Variants in ATP8A2 observed in about 807,000 individuals in gnomAD.
ATP8A2 encodes the protein phospholipid-transporting ATPase IB.
A neutral mutation model predicts 165.6 loss-of-function variants in ATP8A2; 100 were observed. The observed-to-expected ratio is 0.60, with a 90% CI of 0.51 to 0.71. The LOEUF (loss-of-function observed/expected upper bound fraction) is 0.71. Ranked by LOEUF, ATP8A2 falls within the 30% of genes least tolerant of loss-of-function variation. The pLI is 0.00. For synonymous variants in ATP8A2, 543 were observed against 548.8 expected (o/e 0.99, Z 0.15); for missense variants, 1,227 against 1,479.5 (o/e 0.83, Z 2.80).
At chr13:25,704,155 C>T (rs1409054561) in intron 25 of ATP8A2, among the ~76,000 whole-genome samples, 7 of 152,082 alleles carry the variant, frequency 4.6e-5, no homozygotes, top group Admixed American at 4.6e-4. Context: ...CAGGCCCTTC[C>T]TCAGAGCAAT....
At chr13:25,848,965 G>T (rs577282086) in intron 30 of ATP8A2, among the ~76,000 whole-genome samples, 19 of 152,054 alleles carry the variant, frequency 1.2e-4, no homozygotes, top group African/African-American at 4.6e-4. Flanking sequence ...GGGATGGGGT[G>T]CGCTTCCTCT....
At chr13:25,665,659 A>T (rs1054175625) in intron 24 of ATP8A2, among the ~76,000 whole-genome samples, 1 of 151,252 alleles carries the variant, frequency 6.6e-6, no homozygotes, top group Admixed American at 6.6e-5. Context: ...GAAACCATGG[A>T]TGCATGTAAC....
rs141130084 is a variant in ATP8A2 at position 25,710,574 on chromosome 13, C to A, written c.2384+11229C>A. Among the ~76,000 whole-genome samples the A allele has an allele frequency of 4.2e-3, 635 of 152,300 alleles. 4 individuals carry two copies. The highest frequency in any genetic ancestry group is 0.014 in the African/African-American group (582 of 41,552). ...TAGTGTGGTTGAACAGGTAACCACA[C>A]TGCTTGTCAGGCCAGCTCCCAGGAC... On this transcript the variant is annotated intron_variant, in intron 25 of 36. Coordinates refer to ENST00000381655, the MANE Select transcript of ATP8A2 (RefSeq NM_016529.6).
At chr13:25,716,376 A>G (rs2043255724) in intron 25 of ATP8A2, among the ~76,000 whole-genome samples, 1 of 152,166 alleles carries the variant, frequency 6.6e-6, no homozygotes, top group South Asian at 2.1e-4. Flanking sequence ...ATGGGGTCAT[A>G]TCTAAGAAGC....
intron 30 of ATP8A2, among the ~76,000 whole-genome samples, chr13:25,850,976 G>T (rs1308558297): frequency 6.6e-6 from 1 of 152,178 alleles, no homozygotes; most frequent in Admixed American, 6.5e-5. Flanking sequence ...GGTGTGCAGG[G>T]TGATGACTGT....
chr13:25,634,987 T>C (rs937050156), intron 24 of ATP8A2, among the ~76,000 whole-genome samples: 2 of 152,112 alleles, frequency 1.3e-5, no homozygotes, highest in Admixed American at 1.3e-4. Flanking sequence ...CTGAAATTGC[T>C]CTTAGGGATG....
intron 1 of ATP8A2, among the ~76,000 whole-genome samples, chr13:25,457,437 A>T (rs1248296262): frequency 6.6e-6 from 1 of 152,236 alleles, no homozygotes; most frequent in African/African-American, 2.4e-5. Flanking sequence ...TGATTCTTAT[A>T]GTAACAAAAA....
intron 23 of ATP8A2, among the ~76,000 whole-genome samples, chr13:25,585,414 T>C (rs61948646): frequency 0.58 from 88,725 of 151,896 alleles, 27,334 homozygotes; most frequent in Middle Eastern, 0.7. Context: ...GGATGTAGGA[T>C]GAGTGAGAAC....
chr13:25,909,385 A>G (rs1325362899), intron 33 of ATP8A2, among the ~76,000 whole-genome samples: 1 of 152,224 alleles, frequency 6.6e-6, no homozygotes, highest in African/African-American at 2.4e-5. Flanking sequence ...ATCACATCGT[A>G]CCCCATAAAT....
At chr13:25,920,506 C>T (rs1954418333) in intron 33 of ATP8A2, among the ~76,000 whole-genome samples, 1 of 152,192 alleles carries the variant, frequency 6.6e-6, no homozygotes, top group South Asian at 2.1e-4. Flanking sequence ...GTAAATGGCT[C>T]CACCATCCAC....
At chr13:25,980,837 A>G (rs1187133118) in intron 35 of ATP8A2, among the ~76,000 whole-genome samples, 1 of 152,160 alleles carries the variant, frequency 6.6e-6, no homozygotes, top group Non-Finnish European at 1.5e-5. Context: ...CAGCGTGTGA[A>G]CAGACACTGC....
At chr13:26,005,167 G>A (rs1956714145) in intron 35 of ATP8A2, among the ~76,000 whole-genome samples, 1 of 151,842 alleles carries the variant, frequency 6.6e-6, no homozygotes. Context: ...CTTGTTATTG[G>A]TCAGTTGTGA....
chr13:25,455,499 G>T (rs2035342177), intron 1 of ATP8A2, among the ~76,000 whole-genome samples: 1 of 152,112 alleles, frequency 6.6e-6, no homozygotes, highest in South Asian at 2.1e-4. Flanking sequence ...GGATCATAAG[G>T]ATATCATACT....
intron 27 of ATP8A2, among the ~76,000 whole-genome samples, chr13:25,783,072 A>G (rs1370797637): frequency 6.6e-6 from 1 of 151,406 alleles, no homozygotes; most frequent in Non-Finnish European, 1.5e-5. Context: ...TTATTCTTGT[A>G]TTGATATTTT....
At chr13:25,848,223 C>A (rs996374646) in intron 30 of ATP8A2, among the ~76,000 whole-genome samples, 4 of 152,252 alleles carry the variant, frequency 2.6e-5, no homozygotes, top group African/African-American at 9.6e-5. Flanking sequence ...CTTACCATAT[C>A]TGTTAAAACT....
chr13:25,400,280 A>G (rs1371881278), intron 1 of ATP8A2, among the ~76,000 whole-genome samples: 3 of 152,210 alleles, frequency 2.0e-5, no homozygotes, highest in Non-Finnish European at 4.4e-5. Flanking sequence ...CTGGATAACT[A>G]AAGTTTATCT....
intron 25 of ATP8A2, among the ~76,000 whole-genome samples, chr13:25,719,458 G>GGTGGATGC (rs2043325889): frequency 6.6e-6 from 1 of 151,760 alleles, no homozygotes; most frequent in African/African-American, 2.4e-5. Context: ...TGGGTGGATG[G>GGTGGATGC]GTGGATGGGT....
chr13:25,694,063 A>C (rs1448649243), intron 24 of ATP8A2, among the ~76,000 whole-genome samples: 1 of 152,094 alleles, frequency 6.6e-6, no homozygotes, highest in Non-Finnish European at 1.5e-5. Flanking sequence ...TTTAGTAGAG[A>C]CTGGGTTTTA....
At chr13:25,630,510 G>C (rs888566710) in intron 24 of ATP8A2, among the ~76,000 whole-genome samples, 7 of 152,052 alleles carry the variant, frequency 4.6e-5, no homozygotes, top group Admixed American at 2.0e-4. Context: ...ATGCATCACT[G>C]TTCTCCCCTC....
Sources: gnomAD v4.1 joint callset for allele counts (sites outside exome capture counted in the v4.1 genomes callset) on GRCh38, gnomAD v4.1.1 for gene constraint, MANE v1.5 for transcripts, NCBI Gene and HGNC (gene_info 2026-07-23, HGNC 2026-07-21) for gene names.